The following GGACT variants were observed in gnomAD, a reference collection of about 807,000 sequenced individuals.
GGACT encodes the protein gamma-glutamylaminecyclotransferase.
For missense variants in GGACT, 241 were observed against 233.2 expected (o/e 1.03, Z -0.22); for synonymous variants, 118 against 115.3 (o/e 1.02, Z -0.15).
chr13:100,535,177 G>A (rs1315045854), intron 2 of GGACT, among the ~76,000 whole-genome samples: 3 of 152,224 alleles, frequency 2.0e-5, no homozygotes, highest in African/African-American at 7.2e-5. Flanking sequence ...CCAGGTGCCT[G>A]CCTGGCTTTC....
intron 2 of GGACT, among the ~76,000 whole-genome samples, chr13:100,543,228 G>C (rs1421955937): frequency 5.1e-5 from 1 of 19,552 alleles, no homozygotes; most frequent in African/African-American, 2.5e-4. Flanking sequence ...TTTTTTTTGA[G>C]ACGGAGTGTC....
chr13:100,535,723 G>C (rs2088482357), intron 2 of GGACT: 1 of 152,202 alleles, frequency 6.6e-6, no homozygotes, highest in Admixed American at 6.5e-5. Flanking sequence ...CTAAGACACA[G>C]AGCATACTAT....
At position 100,588,735 on chromosome 13, in the gene GGACT, C is replaced by T. The variant is rs3825502; in HGVS notation, c.-184+6G>A. ...CCCCGACCCCCGCCCGGGCTCAGCG[C>T]CTCACCTGCCGGCAGCCGGGGCTGT... On this transcript the variant is annotated splice_donor_region_variant and intron_variant, in intron 1 of 2. Coordinates refer to ENST00000683975, the MANE Select transcript of GGACT (RefSeq NM_001195087.2). 3 of 151,638 alleles carry T rather than the reference C, an allele frequency of 2.0e-5. No homozygotes were observed. The highest frequency in any genetic ancestry group is 7.3e-5 in the African/African-American group (3 of 41,360). The allele number at this position is 151,638 out of a possible 1,614,324, so 9.4% of individuals were successfully genotyped here. A position where few individuals can be genotyped will look rare whatever the true frequency, so the allele number is the denominator to read the frequency against.
At chr13:100,572,284 T>C (rs1024159176) in intron 2 of GGACT, among the ~76,000 whole-genome samples, 1 of 152,178 alleles carries the variant, frequency 6.6e-6, no homozygotes, top group African/African-American at 2.4e-5. Flanking sequence ...CGAAGCAAAA[T>C]AAGCCAGTCC....
intron 2 of GGACT, among the ~76,000 whole-genome samples, chr13:100,551,294 C>CA (rs942513219): frequency 4.6e-5 from 7 of 151,694 alleles, no homozygotes; most frequent in African/African-American, 1.7e-4. Flanking sequence ...AAAAAAAAAA[C>CA]AAAAACCCAT....
At chr13:100,577,201 A>C (rs1224487816) in intron 2 of GGACT, among the ~76,000 whole-genome samples, 1 of 152,126 alleles carries the variant, frequency 6.6e-6, no homozygotes, top group East Asian at 1.9e-4. Context: ...GGATCATCTG[A>C]GGTCAGGAGT....
chr13:100,581,935 A>G (rs1342376880), intron 2 of GGACT, among the ~76,000 whole-genome samples: 2 of 152,232 alleles, frequency 1.3e-5, no homozygotes, highest in Non-Finnish European at 2.9e-5. Flanking sequence ...GTTGTTCTGA[A>G]CTGAGATTTC....
chr13:100,578,365 C>T (rs1875314447), intron 2 of GGACT, among the ~76,000 whole-genome samples: 2 of 152,228 alleles, frequency 1.3e-5, no homozygotes, highest in South Asian at 4.1e-4. Flanking sequence ...CAGAATGTGT[C>T]GCATTTGCGT....
rs2088592894 is a variant in GGACT at position 100,545,083 on chromosome 13, C to T, written c.-10-12482G>A. Reference sequence around the variant, plus strand: ...TGGGCAGGCGGCCAGCGGCCCAACACTGGAGATGCCGTCAACCTCGTCACA... The same window carrying T: ...TGGGCAGGCGGCCAGCGGCCCAACATTGGAGATGCCGTCAACCTCGTCACA... On this transcript the variant is annotated intron_variant, in intron 2 of 2. Transcript: ENST00000683975. The surrounding 1 kb of genome is among the most constrained non-coding windows in gnomAD (Gnocchi z 4.4). 6.6e-6 allele frequency among the ~76,000 whole-genome samples: 1 copy of T among 152,216 alleles called. No homozygotes were observed. Among genetic ancestry groups the T allele is most frequent in the African/African-American group, 2.4e-5 (1 of 41,466 alleles).
intron 2 of GGACT, among the ~76,000 whole-genome samples, chr13:100,564,166 A>G (rs2153015521): frequency 6.6e-6 from 1 of 152,352 alleles, no homozygotes; most frequent in East Asian, 1.9e-4. Context: ...TACATTTCAA[A>G]TAAAATACAG....
At chr13:100,571,235 T>G (rs908960483) in intron 2 of GGACT, among the ~76,000 whole-genome samples, 1 of 152,204 alleles carries the variant, frequency 6.6e-6, no homozygotes, top group Non-Finnish European at 1.5e-5. Context: ...GAGATTTATT[T>G]TGCAAAATCC....
chr13:100,561,559 C>T (rs1340150253), intron 2 of GGACT, among the ~76,000 whole-genome samples: 2 of 152,168 alleles, frequency 1.3e-5, no homozygotes, highest in Non-Finnish European at 2.9e-5. Context: ...GCTATTAACA[C>T]CAGGATGAGA....
Position 100,530,262 on chromosome 13 carries a change from T to G in GGACT, c.*1868A>C. On this transcript the variant is annotated 3_prime_UTR_variant, in exon 3 of 3. Transcript: ENST00000683975. ...TTCAAGCATTATACAGGAACACCCC[T>G]GTGCAGCTACGTTTACGTCGTCATT... 4.1e-6 allele frequency: 4 copies of G among 982,192 alleles called. No individual in the cohort carries two copies. Among genetic ancestry groups the G allele is most frequent in the Non-Finnish European group, 6.5e-6 (4 of 614,712 alleles). The allele number at this position is 982,192 out of a possible 1,614,324, so 60.8% of individuals were successfully genotyped here.
chr13:100,530,413 A>G lies in GGACT; in HGVS notation c.*1717T>C. On this transcript the variant is annotated 3_prime_UTR_variant, in exon 3 of 3. Coordinates refer to ENST00000683975, the MANE Select transcript of GGACT (RefSeq NM_001195087.2). ...ATTCCCTAGTGTCAAAATTAAATCA[A>G]TAAAACTGAGCATTTGTCTAAATAT... is the stretch of plus-strand genomic sequence containing the variant. 2 of 584,562 alleles carry G rather than the reference A, an allele frequency of 3.4e-6. No individual in the cohort carries two copies. The highest frequency in any genetic ancestry group is 6.1e-6 in the Non-Finnish European group (2 of 327,310). The allele number at this position is 584,562 out of a possible 1,614,324, so 36.2% of individuals were successfully genotyped here.
chr13:100,544,660 C>T (rs2088588467), intron 2 of GGACT, among the ~76,000 whole-genome samples: 1 of 152,230 alleles, frequency 6.6e-6, no homozygotes, highest in South Asian at 2.1e-4. Context: ...CTGATGCCAC[C>T]CCAGGCCTCC....
At chr13:100,542,363 G>A (rs1258626379) in intron 2 of GGACT, among the ~76,000 whole-genome samples, 1 of 152,142 alleles carries the variant, frequency 6.6e-6, no homozygotes, top group Non-Finnish European at 1.5e-5. Context: ...GCCCTAGGAC[G>A]CTGGCCTTAC....
Position 100,540,336 on chromosome 13 carries a change from C to T in GGACT, c.-10-7735G>A, listed in dbSNP as rs1437368429. ...TTCAGTCTCTTTACTAGTTGTAGGT[C>T]TGTTCAGTCTCAGTAGGTTGTGTCT... On this transcript the variant is annotated intron_variant, in intron 2 of 2. Transcript: ENST00000683975. The T allele has an allele frequency of 9.7e-6, 7 of 723,786 alleles. No homozygotes were observed. In the East Asian group the frequency reaches 1.8e-4, roughly 19 times the overall value. The allele number at this position is 723,786 out of a possible 1,614,324, so 44.8% of individuals were successfully genotyped here.
At chr13:100,568,515 C>T (rs1874981613) in intron 2 of GGACT, among the ~76,000 whole-genome samples, 1 of 152,212 alleles carries the variant, frequency 6.6e-6, no homozygotes, top group Admixed American at 6.5e-5. Context: ...GAAACCATCC[C>T]CCATGATTCA....
chr13:100,575,061 T>C (rs1004657606), intron 2 of GGACT, among the ~76,000 whole-genome samples: 1 of 152,158 alleles, frequency 6.6e-6, no homozygotes, highest in Non-Finnish European at 1.5e-5. Context: ...GGTCTGCCAA[T>C]AGGTCGAACC....
Sources: gnomAD v4.1 joint callset for allele counts (sites outside exome capture counted in the v4.1 genomes callset) on GRCh38, gnomAD v4.1.1 for gene constraint, Gnocchi (gnomAD v3.1) non-coding constraint, MANE v1.5 for transcripts, NCBI Gene and HGNC (gene_info 2026-07-23, HGNC 2026-07-21) for gene names.